Variants in EBF4 observed in about 807,000 individuals in gnomAD.
EBF4 encodes the protein transcription factor COE4.
Under a neutral mutation model 67.1 loss-of-function variants are expected in EBF4, and 34 were observed. The ratio of observed to expected loss-of-function variants is 0.51; its 90% CI spans 0.39 to 0.67. The LOEUF (loss-of-function observed/expected upper bound fraction) is 0.67, where lower values mean the gene tolerates loss of function less well. EBF4 is among the 30% of genes least tolerant of loss of function. The probability of loss-of-function intolerance (pLI) is 0.00; values close to 1 mark genes in which losing one functional copy is unlikely to be tolerated. For missense variants in EBF4, 837 were observed against 873.3 expected, an observed-to-expected ratio of 0.96 and a Z score of 0.52; for synonymous variants, 387 against 377.7, an observed-to-expected ratio of 1.02 and a Z score of -0.29.
At chr20:2,705,787 A>G (rs1432409685) in intron 2 of EBF4, 54 bp downstream of exon 2, 1 of 152,844 alleles carries the variant, frequency 6.5e-6, no homozygotes, top group Middle Eastern at 2.3e-3. Flanking sequence ...ACCCCCAACC[A>G]CACACACACA....
intron 3 of EBF4, 63 bp downstream of exon 3, chr20:2,706,100 C>T (rs1025069985): frequency 2.3e-5 from 36 of 1,545,944 alleles, no homozygotes; most frequent in South Asian, 7.2e-5. Context: ...CAGCATCATG[C>T]GACACCTAAT....
At chr20:2,701,394 C>T (rs1328958579) in intron 1 of EBF4, among the ~76,000 whole-genome samples, 1 of 152,220 alleles carries the variant, frequency 6.6e-6, no homozygotes, top group Non-Finnish European at 1.5e-5. Flanking sequence ...TGTGCCCTTG[C>T]TCCTGTGTAA....
In EBF4 at chr20:2,739,149, C is replaced by A. The variant is rs1021864973; in HGVS notation, c.558-9400C>A. Among the ~76,000 whole-genome samples, 1 of 152,190 alleles carries A rather than the reference C, an allele frequency of 6.6e-6. No homozygotes were observed. The highest frequency in any genetic ancestry group is 1.5e-5 in the Non-Finnish European group (1 of 68,032). On this transcript the variant is annotated intron_variant, in intron 6 of 16. Transcript: ENST00000609451. This position sits in a 1 kb window ranked among gnomAD's most constrained non-coding sequence, Gnocchi z 4.5. ...TCCTCATTTCCCTTCCCTTCTCTAG[C>A]GTAGGCCCTTTGGTGCCTGTTTCTG... is the stretch of plus-strand genomic sequence containing the variant.
At chr20:2,710,555 C>G (rs917515870) in intron 6 of EBF4, among the ~76,000 whole-genome samples, 1 of 134,726 alleles carries the variant, frequency 7.4e-6, no homozygotes, top group African/African-American at 3.2e-5. Context: ...GTAGAGCATA[C>G]TGTACATGTT....
Position 2,747,313 on chromosome 20 carries a change from C to CAAAAAAAAAAAAAAA in EBF4, c.558-1233_558-1232insAAAAAAAAAAAAAAA, listed in dbSNP as rs1415178435. 8.9e-5 allele frequency among the ~76,000 whole-genome samples: 11 copies of CAAAAAAAAAAAAAAA among 123,286 alleles called. No homozygotes were observed. The highest frequency in any genetic ancestry group is 1.2e-4 in the Non-Finnish European group (7 of 58,702). The allele number at this position is 123,286 out of a possible 152,430, so 80.9% of individuals were successfully genotyped here. A position where few individuals can be genotyped will look rare whatever the true frequency, so the allele number is the denominator to read the frequency against. ...CTCTGTCTCAAAACAAAAAACAAAA[C>CAAAAAAAAAAAAAAA]AAACAAAAAAAAAAAAACAGGAAAA... On this transcript the variant is annotated intron_variant, in intron 6 of 16. Coordinates refer to ENST00000609451, the Ensembl canonical transcript of EBF4. This position sits in a 1 kb window ranked among gnomAD's most constrained non-coding sequence, Gnocchi z 4.6.
At chr20:2,715,939 G>A (rs1389068579) in intron 6 of EBF4, among the ~76,000 whole-genome samples, 1 of 151,846 alleles carries the variant, frequency 6.6e-6, no homozygotes, top group Non-Finnish European at 1.5e-5. Context: ...AGCAGAGATG[G>A]GATTTCGCCA....
rs780191218 is a variant in EBF4, at chr20:2,706,071, C to T, written c.358+34C>T. 6.5e-6 allele frequency: 10 copies of T among 1,550,324 alleles called. No individual in the cohort carries two copies. The Middle Eastern group carries it at 1.0e-3, about 155-fold the overall frequency. The stretch of plus-strand genomic sequence containing the variant: ...AGGCCCCTGCCCTACCCAGCCCTGC[C>T]CCTGAAGTCTGGGCACTGCAGCATC... On this transcript the variant is annotated intron_variant, in intron 3 of 16. Transcript: ENST00000609451.
intron 6 of EBF4, among the ~76,000 whole-genome samples, chr20:2,742,853 TCAAGCCCCTCAA>T (rs1248230612): frequency 2.6e-5 from 4 of 152,154 alleles, no homozygotes; most frequent in Non-Finnish European, 4.4e-5. Flanking sequence ...AAGCAGGGCT[TCAAGCCCCTCAA>T]CAAAGTGCAC....
intron 10 of EBF4, among the ~76,000 whole-genome samples, chr20:2,750,446 C>G (rs1034583577): frequency 2.0e-5 from 3 of 152,246 alleles, no homozygotes; most frequent in African/African-American, 7.2e-5. Context: ...CATACACACC[C>G]CTTGCACGAC....
At chr20:2,742,035 A>T (rs1331050783) in intron 6 of EBF4, among the ~76,000 whole-genome samples, 1 of 152,098 alleles carries the variant, frequency 6.6e-6, no homozygotes, top group African/African-American at 2.4e-5. Context: ...ACAACATACT[A>T]TCCTGGTCCC....
intron 6 of EBF4, among the ~76,000 whole-genome samples, chr20:2,724,756 T>G (rs930317825): frequency 1.3e-5 from 2 of 152,086 alleles, no homozygotes; most frequent in African/African-American, 4.8e-5. Flanking sequence ...ATTAAAAAAT[T>G]AGCCATGTGT....
chr20:2,759,176 C>T (rs1026556049), intron 16 of EBF4, 92 bp from the exon 17 acceptor site: 8 of 601,910 alleles, frequency 1.3e-5, no homozygotes, highest in Non-Finnish European at 2.3e-5. Flanking sequence ...CCCCAGTAAC[C>T]CAAGCTGACC....
chr20:2,754,222 T>C (rs1322574473), intron 14 of EBF4, among the ~76,000 whole-genome samples: 1 of 152,132 alleles, frequency 6.6e-6, no homozygotes, highest in Non-Finnish European at 1.5e-5. Context: ...TCAGGGTGCT[T>C]TGTGGCCCGA....
intron 6 of EBF4, among the ~76,000 whole-genome samples, chr20:2,735,173 G>A (rs759896127): frequency 2.6e-5 from 4 of 152,130 alleles, no homozygotes; most frequent in Non-Finnish European, 4.4e-5. Context: ...GTTCTGAATC[G>A]GGTCAAATAA....
chr20:2,752,306 C>CA (rs2088165773), intron 13 of EBF4, 43 bp downstream of exon 13: 1 of 1,202,010 alleles, frequency 8.3e-7, no homozygotes, highest in Non-Finnish European at 1.0e-6. Context: ...GCGCCGCCAC[C>CA]GCCCCTCCCC....
At chr20:2,729,462 T>C (rs2087786084) in intron 6 of EBF4, among the ~76,000 whole-genome samples, 1 of 152,212 alleles carries the variant, frequency 6.6e-6, no homozygotes, top group Non-Finnish European at 1.5e-5. Flanking sequence ...ATCTCTCTGC[T>C]CTTTGAATTC....
At chr20:2,694,876 G>A (rs980781813) in intron 1 of EBF4, among the ~76,000 whole-genome samples, 1 of 152,120 alleles carries the variant, frequency 6.6e-6, no homozygotes, top group Admixed American at 6.5e-5. Flanking sequence ...GAACGCTGGG[G>A]GGCTCTGGAG....
intron 6 of EBF4, among the ~76,000 whole-genome samples, chr20:2,735,538 T>C (rs867738377): frequency 6.6e-6 from 1 of 152,254 alleles, no homozygotes; most frequent in Non-Finnish European, 1.5e-5. Context: ...TGTTTCTTTA[T>C]GGAAGAATGG....
At chr20:2,740,967 G>A (rs2087958482) in intron 6 of EBF4, among the ~76,000 whole-genome samples, 1 of 152,096 alleles carries the variant, frequency 6.6e-6, no homozygotes, top group African/African-American at 2.4e-5. Context: ...GGGCATGAGG[G>A]AATCAGGCAG....
Sources: allele counts gnomAD v4.1 joint callset (sites outside exome capture counted in the v4.1 genomes callset), GRCh38; gene constraint gnomAD v4.1.1; non-coding constraint Gnocchi (gnomAD v3.1); transcripts MANE v1.5; gene names NCBI Gene and HGNC (gene_info 2026-07-23, HGNC 2026-07-21).